Variants in HEATR5B observed in about 807,000 individuals in gnomAD.
HEATR5B encodes the protein HEAT repeat containing 5B, also known as HEAT repeat-containing protein 5B.
HEATR5B carries 156 observed loss-of-function variants against 224.1 expected under a neutral mutation model. That is an observed-to-expected ratio of 0.70 (90% CI 0.61 to 0.80). The LOEUF is 0.80. Ranked by LOEUF, HEATR5B falls within the 30% of genes least tolerant of loss-of-function variation. The pLI is 0.00. For missense variants in HEATR5B, 2,323 were observed against 2,535.5 expected (o/e 0.92, Z 1.80); for synonymous variants, 1,027 against 893.0 (o/e 1.15, Z -2.68).
intron 16 of HEATR5B, chr2:37,055,128 T>A (rs750140882): frequency 1.8e-5 from 7 of 398,544 alleles, no homozygotes; most frequent in Admixed American, 5.5e-5. Context: ...CCGCACAGCC[T>A]GCTGGTTGAA....
intron 35 of HEATR5B, among the ~76,000 whole-genome samples, chr2:36,987,420 CAAAAA>C (rs369088419): frequency 8.8e-6 from 1 of 113,010 alleles, no homozygotes; most frequent in African/African-American, 3.1e-5. Flanking sequence ...GACTTTGTTT[CAAAAA>C]AAAAAAAAAA....
chr2:37,071,712 T>A (rs960190260), intron 6 of HEATR5B, among the ~76,000 whole-genome samples: 6 of 150,292 alleles, frequency 4.0e-5, no homozygotes, highest in African/African-American at 1.5e-4. Context: ...TGAGATGGAG[T>A]CTTGCTCTGT....
At chr2:37,071,584 T>C (rs950897485) in intron 6 of HEATR5B, among the ~76,000 whole-genome samples, 1 of 152,196 alleles carries the variant, frequency 6.6e-6, no homozygotes, top group African/African-American at 2.4e-5. Context: ...ATTTCATAAA[T>C]CTTATGTGCT....
chr2:37,064,572 T>A (rs192179918), intron 10 of HEATR5B, among the ~76,000 whole-genome samples, 168 bp downstream of exon 10: 2 of 152,128 alleles, frequency 1.3e-5, no homozygotes. Flanking sequence ...CAGAATTAAA[T>A]ATCAAATTAT....
chr2:36,993,467 G>T (rs1666473122), intron 33 of HEATR5B, among the ~76,000 whole-genome samples: 1 of 151,710 alleles, frequency 6.6e-6, no homozygotes, highest in Non-Finnish European at 1.5e-5. Flanking sequence ...AACATAGGAG[G>T]TGGACGTGGA....
chr2:37,073,151 G>C (rs1558378252), intron 5 of HEATR5B, among the ~76,000 whole-genome samples: 1 of 152,110 alleles, frequency 6.6e-6, no homozygotes, highest in African/African-American at 2.4e-5. Flanking sequence ...ACGTGAAAAA[G>C]AAACTACATA....
Position 37,005,664 on chromosome 2 carries a change from G to T in HEATR5B, c.4873C>A (p.Pro1625Thr). The change falls in exon 30 of 36, where the codon CCT becomes ACT. Residue 1625 changes from proline to threonine, a missense_variant. Coordinates refer to ENST00000233099, the MANE Select transcript of HEATR5B (RefSeq NM_019024.3). ...TCTGCAATATGGACTCGAGCATAAG[G>T]GGAGTCTAGCAAGGTATGTAAGGCC... is the stretch of plus-strand genomic sequence containing the variant. ...LQALHTLLDSPYARVHIAEDQ... is the reference protein window; with the variant it reads ...LQALHTLLDSTYARVHIAEDQ... 1 of 1,613,516 alleles carries T rather than the reference G, an allele frequency of 6.2e-7. No homozygotes were observed. The highest frequency in any genetic ancestry group is 8.5e-7 in the Non-Finnish European group (1 of 1,179,558).
In HEATR5B at chr2:37,083,397, A is replaced by G. The variant is rs2148621344; in HGVS notation, c.18T>C (p.Ser6=). The G allele has an allele frequency of 6.2e-7, 1 of 1,613,746 alleles. No individual in the cohort carries two copies. The highest frequency in any genetic ancestry group is 1.3e-5 in the African/African-American group (1 of 75,042). Reference sequence around the variant, plus strand: ...CCAAAGCTTCTTCATTTAGCAATAAACTGTGGGCTAACTCCATTACGGAAG... The same window carrying G: ...CCAAAGCTTCTTCATTTAGCAATAAGCTGTGGGCTAACTCCATTACGGAAG... MELAH[S]LLLNEEALAQ... The change falls in exon 2 of 36, where the codon AGT becomes AGC. Residue 6 remains serine (S), a synonymous_variant. Coordinates refer to ENST00000233099, the MANE Select transcript of HEATR5B (RefSeq NM_019024.3).
At chr2:37,040,758 A>T (rs2287108) in intron 19 of HEATR5B, among the ~76,000 whole-genome samples, 84,097 of 151,810 alleles carry the variant, frequency 0.55, 23,477 homozygotes, top group East Asian at 0.66. Flanking sequence ...AGGGTCCACA[A>T]GAAGATTCAG....
intron 13 of HEATR5B, 93 bp downstream of exon 13, chr2:37,058,795 T>C (rs1572907698): frequency 6.3e-6 from 5 of 795,032 alleles, no homozygotes; most frequent in East Asian, 2.7e-5. Context: ...TTATGTTTCC[T>C]AGATGATTCT....
chr2:37,054,365 G>A, intron 16 of HEATR5B, among the ~76,000 whole-genome samples: 1 of 150,780 alleles, frequency 6.6e-6, no homozygotes. Context: ...ATTTTTAGTA[G>A]AGACTGGGTT....
At chr2:37,069,070 G>C in intron 7 of HEATR5B, 140 bp from the exon 8 acceptor site, 1 of 911,488 alleles carries the variant, frequency 1.1e-6, no homozygotes, top group East Asian at 2.7e-5. Flanking sequence ...ATTTAAACTT[G>C]AGGTCTTTTT....
At chr2:36,994,239 G>A (rs1428871411) in intron 33 of HEATR5B, among the ~76,000 whole-genome samples, 2 of 152,108 alleles carry the variant, frequency 1.3e-5, no homozygotes, top group Non-Finnish European at 2.9e-5. Context: ...AGGGTATGCT[G>A]GAGTTCCTTA....
chr2:37,074,138 G>A (rs1333815061), intron 5 of HEATR5B, among the ~76,000 whole-genome samples: 9 of 151,980 alleles, frequency 5.9e-5, no homozygotes, highest in Admixed American at 1.3e-4. Context: ...TGGCTAACAC[G>A]GTGAAACCCC....
At chr2:37,055,983 A>G (rs921570910) in intron 16 of HEATR5B, among the ~76,000 whole-genome samples, 1 of 152,244 alleles carries the variant, frequency 6.6e-6, no homozygotes, top group African/African-American at 2.4e-5. Context: ...GACTTGAACC[A>G]TCTCACAAAC....
At chr2:37,036,273 G>A (rs948992583) in intron 21 of HEATR5B, among the ~76,000 whole-genome samples, 4 of 152,144 alleles carry the variant, frequency 2.6e-5, no homozygotes, top group African/African-American at 9.7e-5. Context: ...GAAAGTCTGC[G>A]TGATATGTCA....
At chr2:36,991,301 C>T (rs930632483) in intron 33 of HEATR5B, among the ~76,000 whole-genome samples, 8 of 151,182 alleles carry the variant, frequency 5.3e-5, no homozygotes, top group South Asian at 2.1e-4. Context: ...CCGAGGCAGG[C>T]GGACCACCTG....
chr2:37,041,011 C>G, intron 19 of HEATR5B, 122 bp downstream of exon 19: 1 of 742,892 alleles, frequency 1.3e-6, no homozygotes. Flanking sequence ...TGTACTATTA[C>G]AAAAACAAAC....
chr2:37,028,804 C>A lies in HEATR5B; in HGVS notation c.3478G>T (p.Glu1160Ter). The change falls in exon 23 of 36, where the codon GAG (glutamate) becomes TAG (stop). Residue 1160 changes from glutamate (E) to a stop codon, truncating the protein, a stop_gained. Coordinates refer to ENST00000233099, the MANE Select transcript of HEATR5B (RefSeq NM_019024.3). LOFTEE classifies it high-confidence loss of function. ...TCAGAACATAATTTTCGATCTGTCT[C>A]CCGGTCTAGCATTCCAAAAAGAAGT... ...EGLLFGMLDR[E>*]TDRKLCSDIH... The A allele has an allele frequency of 6.2e-7, 1 of 1,614,110 alleles. No individual in the cohort carries two copies. Among genetic ancestry groups the A allele is most frequent in the Non-Finnish European group, 8.5e-7 (1 of 1,180,002 alleles).
Sources: gnomAD v4.1 joint callset for allele counts (sites outside exome capture counted in the v4.1 genomes callset) on GRCh38, gnomAD v4.1.1 for gene constraint, MANE v1.5 for transcripts, NCBI Gene and HGNC (gene_info 2026-07-23, HGNC 2026-07-21) for gene names.